The following FSD1L variants were observed in gnomAD, a reference collection of about 807,000 sequenced individuals.
The protein encoded by FSD1L is FSD1-like protein.
In FSD1L, 45 loss-of-function variants were observed where a neutral mutation model predicts 71.6. The observed-to-expected ratio is 0.63, with a 90% CI of 0.49 to 0.81. The LOEUF is 0.81. FSD1L is among the 30% of genes least tolerant of loss of function. FSD1L has a pLI of 0.00. For missense variants in FSD1L, 561 were observed against 618.1 expected (o/e 0.91, Z 0.98); for synonymous variants, 197 against 207.2 (o/e 0.95, Z 0.42).
chr9:105,454,417 A>G (rs968211470), intron 1 of FSD1L, among the ~76,000 whole-genome samples: 1 of 152,216 alleles, frequency 6.6e-6, no homozygotes, highest in African/African-American at 2.4e-5. Context: ...CCTTGTAGCC[A>G]AGTCTCTGCT....
intron 10 of FSD1L, among the ~76,000 whole-genome samples, chr9:105,515,637 G>T (rs892074692): frequency 1.3e-5 from 2 of 152,008 alleles, no homozygotes; most frequent in Non-Finnish European, 1.5e-5. Context: ...CCTGAGGAAC[G>T]GTGCACTCCG....
chr9:105,541,911 T>G (rs1331760534), intron 13 of FSD1L, among the ~76,000 whole-genome samples: 3 of 152,254 alleles, frequency 2.0e-5, no homozygotes, highest in African/African-American at 7.2e-5. Flanking sequence ...TTCCGTACCA[T>G]GCTGCATTTG....
chr9:105,546,738 C>A lies in FSD1L; in HGVS notation c.*255C>A, dbSNP rs1204429179. 4.0e-6 allele frequency: 1 copy of A among 248,338 alleles called. No individual in the cohort carries two copies. Among genetic ancestry groups the A allele is most frequent in the Non-Finnish European group, 7.6e-6 (1 of 131,306 alleles). 15.4% of individuals were successfully genotyped at this position (248,338 alleles called of 1,614,324 possible). A position where few individuals can be genotyped will look rare whatever the true frequency, so the allele number is the denominator to read the frequency against. ...GGGGGAAAAGGCAGTGTTTAATTAA[C>A]ATAAAAACTCATTTTTGTATTTCTT... is the stretch of plus-strand genomic sequence containing the variant. On this transcript the variant is annotated 3_prime_UTR_variant, in exon 14 of 14. Coordinates refer to ENST00000481272, the MANE Select transcript of FSD1L (RefSeq NM_001145313.3).
At chr9:105,444,890 T>C (rs972548799), upstream of FSD1L, among the ~76,000 whole-genome samples, 1 of 152,244 alleles carries the variant, frequency 6.6e-6, no homozygotes, top group African/African-American at 2.4e-5. Flanking sequence ...TTTTGGATTC[T>C]ACTCCAAGAG....
At chr9:105,492,660 C>T (rs1009127846) in intron 7 of FSD1L, among the ~76,000 whole-genome samples, 2 of 152,142 alleles carry the variant, frequency 1.3e-5, no homozygotes, top group African/African-American at 2.4e-5. Context: ...TCCCTCTACA[C>T]ACTGCTTTGA....
At position 105,547,421 on chromosome 9, in the gene FSD1L, A is replaced by C. The variant is rs1837071060; in HGVS notation, c.*938A>C. 1 of 152,490 alleles carries C rather than the reference A, an allele frequency of 6.6e-6. No individual in the cohort carries two copies. The highest frequency in any genetic ancestry group is 2.4e-5 in the African/African-American group (1 of 41,438). The allele number at this position is 152,490 out of a possible 1,614,324, so 9.4% of individuals were successfully genotyped here. On this transcript the variant is annotated 3_prime_UTR_variant, in exon 14 of 14. Transcript: ENST00000481272. The stretch of plus-strand genomic sequence containing the variant: ...GAAAAATGTATATCACTCAATTTTT[A>C]TCTAAGAAGGATAGGTTATAAAGGG...
At chr9:105,466,830 G>T (rs2131624380) in intron 3 of FSD1L, among the ~76,000 whole-genome samples, 1 of 152,220 alleles carries the variant, frequency 6.6e-6, no homozygotes, top group South Asian at 2.1e-4. Context: ...ATCACATTTG[G>T]TATCTGGAAA....
chr9:105,458,166 G>T lies in FSD1L; in HGVS notation c.16-3354G>T, dbSNP rs111674649. Among the ~76,000 whole-genome samples, 1,405 of 152,316 alleles carry T rather than the reference G, an allele frequency of 9.2e-3. 22 individuals carry two copies. Among genetic ancestry groups the T allele is most frequent in the African/African-American group, 0.032 (1,345 of 41,556 alleles). ...TCACTTGCTGTCATGTGGGGCAGCCGCCTGATGCTGGTGGAAGTTGGGAGG... is the reference window on the plus strand; with the variant it reads ...TCACTTGCTGTCATGTGGGGCAGCCTCCTGATGCTGGTGGAAGTTGGGAGG... On this transcript the variant is annotated intron_variant, in intron 1 of 13. Transcript: ENST00000481272.
chr9:105,545,501 C>G (rs1027816789), intron 13 of FSD1L, among the ~76,000 whole-genome samples: 2 of 148,228 alleles, frequency 1.3e-5, no homozygotes, highest in Non-Finnish European at 3.0e-5. Flanking sequence ...TGTCTTGTGC[C>G]AGTTTTCAAA....
chr9:105,498,675 T>C (rs1413003309), intron 7 of FSD1L, among the ~76,000 whole-genome samples: 4 of 152,246 alleles, frequency 2.6e-5, no homozygotes, highest in African/African-American at 4.8e-5. Flanking sequence ...CTAAGCACTA[T>C]TTTCGTTGCA....
At chr9:105,477,724 C>A (rs970117722) in intron 5 of FSD1L, among the ~76,000 whole-genome samples, 1 of 152,056 alleles carries the variant, frequency 6.6e-6, no homozygotes, top group African/African-American at 2.4e-5. Flanking sequence ...ATTAAAAAAT[C>A]AATTAAATTA....
chr9:105,533,416 CTTTTTTTTT>C (rs754896606), intron 10 of FSD1L, among the ~76,000 whole-genome samples: 5 of 29,070 alleles, frequency 1.7e-4, no homozygotes, highest in East Asian at 1.2e-3. Flanking sequence ...CCATTTCCAT[CTTTTTTTTT>C]TTTTTTTTTT....
At chr9:105,467,399 G>C (rs1159624982) in intron 3 of FSD1L, among the ~76,000 whole-genome samples, 1 of 152,160 alleles carries the variant, frequency 6.6e-6, no homozygotes, top group Non-Finnish European at 1.5e-5. Context: ...TGTTGCAAGT[G>C]TGGATATTGC....
At position 105,550,535 on chromosome 9, in the gene FSD1L, A is replaced by G. The variant is rs1837222746; in HGVS notation, c.*4052A>G. 6.6e-6 allele frequency: 1 copy of G among 152,072 alleles called. No individual in the cohort carries two copies. Among genetic ancestry groups the G allele is most frequent in the African/African-American group, 2.4e-5 (1 of 41,448 alleles). The allele number at this position is 152,072 out of a possible 1,614,324, so 9.4% of individuals were successfully genotyped here. A position where few individuals can be genotyped will look rare whatever the true frequency, so the allele number is the denominator to read the frequency against. ...TTCAGTATAGTTTAGTTTTGTGTGT[A>G]TCTTACAGTATGCATGTTCTGAAAT... On this transcript the variant is annotated 3_prime_UTR_variant, in exon 14 of 14. Coordinates refer to ENST00000481272, the MANE Select transcript of FSD1L (RefSeq NM_001145313.3).
chr9:105,495,626 C>T (rs1246681903), intron 7 of FSD1L, among the ~76,000 whole-genome samples: 1 of 152,212 alleles, frequency 6.6e-6, no homozygotes, highest in African/African-American at 2.4e-5. Flanking sequence ...CGGAGCTGTT[C>T]CTATTCGGCC....
intron 10 of FSD1L, among the ~76,000 whole-genome samples, chr9:105,529,243 T>A (rs1216435706): frequency 1.3e-5 from 2 of 152,194 alleles, no homozygotes; most frequent in African/African-American, 2.4e-5. Flanking sequence ...GAACTAGAAA[T>A]ATCATTTGAC....
intron 13 of FSD1L, among the ~76,000 whole-genome samples, chr9:105,541,174 A>G (rs1307247677): frequency 6.6e-6 from 1 of 152,130 alleles, no homozygotes; most frequent in African/African-American, 2.4e-5. Context: ...CTTAAGTTTA[A>G]AACAATGCTA....
intron 10 of FSD1L, chr9:105,520,046 C>T (rs906947348): frequency 1.2e-5 from 18 of 1,507,262 alleles, no homozygotes; most frequent in Admixed American, 2.1e-5. Context: ...TGGCTAGTCT[C>T]CTCCCCGTCC....
rs927361559 is a variant in FSD1L at position 105,464,375 on chromosome 9, G to C, written c.207+44G>C. The stretch of plus-strand genomic sequence containing the variant: ...AAATTTTGTGTAAATATGTCACAAT[G>C]AGCCAAATCTGAAGTACAAATATAC... On this transcript the variant is annotated intron_variant, in intron 3 of 13. Coordinates refer to ENST00000481272, the MANE Select transcript of FSD1L (RefSeq NM_001145313.3). The C allele has an allele frequency of 1.1e-5, 10 of 874,072 alleles. No individual in the cohort carries two copies. In the African/African-American group the frequency reaches 1.2e-4, roughly 11 times the overall value. The allele number at this position is 874,072 out of a possible 1,614,324, so 54.1% of individuals were successfully genotyped here. A position where few individuals can be genotyped will look rare whatever the true frequency, so the allele number is the denominator to read the frequency against.
Sources: allele counts gnomAD v4.1 joint callset (sites outside exome capture counted in the v4.1 genomes callset), GRCh38; gene constraint gnomAD v4.1.1; transcripts MANE v1.5; gene names NCBI Gene and HGNC (gene_info 2026-07-23, HGNC 2026-07-21).